The following DNM2 variants were observed in gnomAD, a reference collection of about 807,000 sequenced individuals.
The protein encoded by DNM2 is dynamin-2.
DNM2 carries 15 observed loss-of-function variants against 99.0 expected under a neutral mutation model. The ratio of observed to expected loss-of-function variants is 0.15; its 90% CI spans 0.10 to 0.23. DNM2 has a LOEUF of 0.23. Ranked by LOEUF, DNM2 falls within the 10% of genes least tolerant of loss-of-function variation. DNM2 has a pLI of 1.00. For synonymous variants in DNM2, 525 were observed against 481.2 expected (o/e 1.09, Z -1.19); for missense variants, 742 against 1,189.4 (o/e 0.62, Z 5.53).
At chr19:10,742,992 C>T (rs1283341753) in intron 1 of DNM2, among the ~76,000 whole-genome samples, 1 of 150,678 alleles carries the variant, frequency 6.6e-6, no homozygotes, top group East Asian at 2.0e-4. Flanking sequence ...CCGCTGACTG[C>T]AGCCTCAACC....
chr19:10,783,689 TA>T (rs1192610472), intron 6 of DNM2, among the ~76,000 whole-genome samples: 3 of 134,920 alleles, frequency 2.2e-5, no homozygotes, highest in African/African-American at 7.5e-5. Context: ...TTATTATTAT[TA>T]TTATTATTAT....
rs1406800994 is a variant in DNM2, at chr19:10,818,723, C to T, written c.1672-1257C>T. Among the ~76,000 whole-genome samples, 1 of 152,154 alleles carries T rather than the reference C, an allele frequency of 6.6e-6. No individual in the cohort carries two copies. The highest frequency in any genetic ancestry group is 1.5e-5 in the Non-Finnish European group (1 of 68,012). ...GGTTAGGCTTTGTGCTGGGGCAGCGCAGTGAGGGGACATGAGAGGAGTTTC... is the reference window on the plus strand; with the variant it reads ...GGTTAGGCTTTGTGCTGGGGCAGCGTAGTGAGGGGACATGAGAGGAGTTTC... On this transcript the variant is annotated intron_variant, in intron 15 of 20. Coordinates refer to ENST00000389253, the MANE Select transcript of DNM2 (RefSeq NM_001005361.3). The surrounding 1 kb of genome is among the most constrained non-coding windows in gnomAD (Gnocchi z 4.3).
At chr19:10,808,445 C>T in intron 13 of DNM2, 124 bp from the exon 14 acceptor site, 5 of 1,030,376 alleles carry the variant, frequency 4.9e-6, no homozygotes, top group South Asian at 3.5e-5. Context: ...TTCCCCTGCT[C>T]TTCTCTTCTC....
rs2071839171 is a variant in DNM2, at chr19:10,793,914, C to A, written c.1128+59C>A. On this transcript the variant is annotated intron_variant, in intron 8 of 20. Coordinates refer to ENST00000389253, the MANE Select transcript of DNM2 (RefSeq NM_001005361.3). The stretch of plus-strand genomic sequence containing the variant: ...TGGTCAGGCACCCTCCTGCTGGCCT[C>A]AAGCCAGGCCTCCTCCCAGGCAATA... 5 of 1,613,172 alleles carry A rather than the reference C, an allele frequency of 3.1e-6. No homozygotes were observed. In the East Asian group the frequency reaches 1.1e-4, roughly 36 times the overall value.
At chr19:10,787,799 C>CA (rs1209587715) in intron 7 of DNM2, among the ~76,000 whole-genome samples, 4 of 149,770 alleles carry the variant, frequency 2.7e-5, no homozygotes, top group Non-Finnish European at 4.4e-5. Context: ...CATGGTGGCA[C>CA]ATGCCTGTAA....
At chr19:10,826,584 A>G (rs917728364) in intron 18 of DNM2, among the ~76,000 whole-genome samples, 1 of 152,194 alleles carries the variant, frequency 6.6e-6, no homozygotes, top group African/African-American at 2.4e-5. Flanking sequence ...CCACTCAGGA[A>G]GCTTTATAAA....
chr19:10,722,003 G>A (rs1449546048), intron 1 of DNM2, among the ~76,000 whole-genome samples: 1 of 152,148 alleles, frequency 6.6e-6, no homozygotes, highest in Non-Finnish European at 1.5e-5. Context: ...CGTGGATTTG[G>A]CGTTCTGGGC....
chr19:10,797,318 G>A lies in DNM2; in HGVS notation c.1197-62G>A, dbSNP rs74718485. 1.0e-3 allele frequency: 1,672 copies of A among 1,601,902 alleles called. 4 individuals are homozygous for A. Among genetic ancestry groups the A allele is most frequent in the Non-Finnish European group, 1.2e-3 (1,449 of 1,176,552 alleles). On this transcript the variant is annotated intron_variant, in intron 9 of 20. Transcript: ENST00000389253. ...CTCTTCTCTCTGTCTCCTGTCCTGC[G>A]TGTGTGGCCTGCACTGTCCCTGGGT...
Position 10,759,669 on chromosome 19 carries a change from A to C in DNM2, c.162-69A>C, listed in dbSNP as rs1442577015. ...TTGCAAGACAGAGTTGCTCCACCAC[A>C]TGTGGTCACACTTCCTGCCCCTCGA... On this transcript the variant is annotated intron_variant, in intron 1 of 20. Coordinates refer to ENST00000389253, the MANE Select transcript of DNM2 (RefSeq NM_001005361.3). The C allele has an allele frequency of 3.8e-6, 6 of 1,594,536 alleles. 1 individual carries two copies. In the Middle Eastern group the frequency reaches 5.0e-4, roughly 132 times the overall value.
chr19:10,741,650 C>T (rs1170742266), intron 1 of DNM2, among the ~76,000 whole-genome samples: 7 of 151,852 alleles, frequency 4.6e-5, no homozygotes, highest in African/African-American at 1.2e-4. Flanking sequence ...CCCGGGTTCA[C>T]GCCATTCTCC....
chr19:10,724,428 C>T (rs1336440730), intron 1 of DNM2, among the ~76,000 whole-genome samples: 1 of 152,152 alleles, frequency 6.6e-6, no homozygotes, highest in African/African-American at 2.4e-5. Context: ...CCGCCCGCCT[C>T]GGCCTCCCAA....
Position 10,775,410 on chromosome 19 carries a change from G to A in DNM2, c.386-293G>A, listed in dbSNP as rs1052746906. Among the ~76,000 whole-genome samples, 2 of 152,308 alleles carry A rather than the reference G, an allele frequency of 1.3e-5. No homozygotes were observed. The highest frequency in any genetic ancestry group is 4.8e-5 in the African/African-American group (2 of 41,560). On this transcript the variant is annotated intron_variant, in intron 3 of 20. Transcript: ENST00000389253. The surrounding 1 kb of genome is among the most constrained non-coding windows in gnomAD (Gnocchi z 4.3). ...TCTGTTTGTCTGTAATGGTTCTTTG[G>A]TATTGGCTGAATGGATGGGCTGAAA...
chr19:10,782,861 G>A, intron 5 of DNM2, 99 bp from the exon 6 acceptor site: 1 of 1,545,910 alleles, frequency 6.5e-7, no homozygotes, highest in Non-Finnish European at 8.9e-7. Context: ...GTGCCTCGTG[G>A]GACAGGATCC....
Position 10,795,825 on chromosome 19 carries a change from C to A in DNM2, c.1196+386C>A. ...CCCATCATGGCTTCCTCGTGAGCCT[C>A]TTGGGTCCCCTCCTTATTCTAACAA... On this transcript the variant is annotated intron_variant, in intron 9 of 20. Transcript: ENST00000389253. This position sits in a 1 kb window ranked among gnomAD's most constrained non-coding sequence, Gnocchi z 4.2. The A allele has an allele frequency of 1.6e-6, 1 of 642,462 alleles. No homozygotes were observed. The allele number at this position is 642,462 out of a possible 1,614,324, so 39.8% of individuals were successfully genotyped here. A position where few individuals can be genotyped will look rare whatever the true frequency, so the allele number is the denominator to read the frequency against.
chr19:10,814,368 G>T (rs1599606695), intron 15 of DNM2, among the ~76,000 whole-genome samples: 1 of 152,230 alleles, frequency 6.6e-6, no homozygotes, highest in Admixed American at 6.5e-5. Flanking sequence ...GGAGGCTGAG[G>T]TGGGAGAATC....
rs1035391312 is a variant in DNM2, at chr19:10,817,647, G to A, written c.1672-2333G>A. ...CTTCTGACGTGGCAAGGCTGGGGCC[G>A]GCTCGCATCTGGAGAAAGTTCTGGG... On this transcript the variant is annotated intron_variant, in intron 15 of 20. Coordinates refer to ENST00000389253, the MANE Select transcript of DNM2 (RefSeq NM_001005361.3). The surrounding 1 kb of genome is among the most constrained non-coding windows in gnomAD (Gnocchi z 4.6). Among the ~76,000 whole-genome samples the A allele has an allele frequency of 3.3e-5, 5 of 152,072 alleles. No homozygotes were observed. The East Asian group carries it at 7.7e-4, about 24-fold the overall frequency.
chr19:10,795,491 C>A lies in DNM2; in HGVS notation c.1196+52C>A. ...TGTTCCTTCCTCTCCGTGGTGCGAC[C>A]CCCCAGCTAATTGGGTCACCCACAC... On this transcript the variant is annotated intron_variant, in intron 9 of 20. Coordinates refer to ENST00000389253, the MANE Select transcript of DNM2 (RefSeq NM_001005361.3). The surrounding 1 kb of genome is among the most constrained non-coding windows in gnomAD (Gnocchi z 4.2). 1 of 1,604,022 alleles carries A rather than the reference C, an allele frequency of 6.2e-7. No individual in the cohort carries two copies. Among genetic ancestry groups the A allele is most frequent in the South Asian group, 1.1e-5 (1 of 90,916 alleles).
chr19:10,826,886 C>A (rs572851579), intron 18 of DNM2, among the ~76,000 whole-genome samples: 3 of 150,750 alleles, frequency 2.0e-5, no homozygotes, highest in East Asian at 3.9e-4. Flanking sequence ...GAACCTCTTT[C>A]AAAAAAAAAG....
At chr19:10,793,268 A>AG (rs1350784457) in intron 7 of DNM2, among the ~76,000 whole-genome samples, 1 of 152,202 alleles carries the variant, frequency 6.6e-6, no homozygotes, top group Non-Finnish European at 1.5e-5. Flanking sequence ...AGAGGGGCAA[A>AG]GTCCTGTCCA....
Sources: gnomAD v4.1 joint callset for allele counts (sites outside exome capture counted in the v4.1 genomes callset) on GRCh38, gnomAD v4.1.1 for gene constraint, Gnocchi (gnomAD v3.1) non-coding constraint, MANE v1.5 for transcripts, NCBI Gene and HGNC (gene_info 2026-07-23, HGNC 2026-07-21) for gene names.